DAB1: variants seen among roughly 807,000 people sequenced by gnomAD.
DAB1 encodes the protein DAB adaptor protein 1.
DAB1 carries 15 observed loss-of-function variants against 64.6 expected under a neutral mutation model. The observed-to-expected ratio is 0.23, with a 90% CI of 0.16 to 0.36. The LOEUF (loss-of-function observed/expected upper bound fraction) is 0.36. Among genes scored for constraint, DAB1 ranks in the 10% least tolerant of loss-of-function variants. The pLI is 1.00. For missense variants in DAB1, 596 were observed against 706.7 expected, an observed-to-expected ratio of 0.84 and a Z score of 1.78; for synonymous variants, 235 against 251.9, an observed-to-expected ratio of 0.93 and a Z score of 0.64.
intron 2 of DAB1, among the ~76,000 whole-genome samples, chr1:57,173,906 T>C (rs773891752): frequency 5.9e-5 from 9 of 152,192 alleles, no homozygotes; most frequent in East Asian, 1.9e-4. Context: ...TGAAATTTCA[T>C]GGGATTTCCC....
chr1:57,669,415 A>G (rs1186698844), intron 6 of DAB1, among the ~76,000 whole-genome samples: 1 of 152,158 alleles, frequency 6.6e-6, no homozygotes, highest in African/African-American at 2.4e-5. Context: ...TGCCATTTGG[A>G]AAATATTCCT....
At chr1:58,479,796 T>C (rs1276947019) in intron 3 of DAB1, among the ~76,000 whole-genome samples, 2 of 152,202 alleles carry the variant, frequency 1.3e-5, no homozygotes, top group Admixed American at 6.5e-5. Flanking sequence ...CTTTGTTCTA[T>C]CTAGGTGAGA....
chr1:58,230,736 T>A (rs977125033), intron 4 of DAB1, among the ~76,000 whole-genome samples: 1 of 152,106 alleles, frequency 6.6e-6, no homozygotes, highest in Non-Finnish European at 1.5e-5. Context: ...AGCAACAAAG[T>A]AAAAGCATTT....
intron 1 of DAB1, among the ~76,000 whole-genome samples, chr1:57,304,732 G>A (rs925802343): frequency 2.5e-4 from 38 of 152,124 alleles, no homozygotes; most frequent in African/African-American, 8.9e-4. Context: ...TCTTTGGAAT[G>A]GAAAGAAAGG....
At chr1:57,920,485 T>C (rs888358557) in intron 5 of DAB1, among the ~76,000 whole-genome samples, 1 of 152,016 alleles carries the variant, frequency 6.6e-6, no homozygotes, top group African/African-American at 2.4e-5. Context: ...GACTAATGTT[T>C]TAATTTTCTT....
intron 7 of DAB1, among the ~76,000 whole-genome samples, chr1:57,539,499 A>C (rs1468374956): frequency 6.6e-6 from 1 of 152,238 alleles, no homozygotes; most frequent in Non-Finnish European, 1.5e-5. Context: ...CTGACAAGGA[A>C]GTGAGAAAGT....
At chr1:58,154,102 A>C (rs1655090913) in intron 4 of DAB1, among the ~76,000 whole-genome samples, 3 of 151,940 alleles carry the variant, frequency 2.0e-5, no homozygotes, top group Admixed American at 2.0e-4. Flanking sequence ...CTGATCCATC[A>C]CCAAGGATGA....
At chr1:57,259,686 C>A (rs549760598) in intron 2 of DAB1, among the ~76,000 whole-genome samples, 14 of 152,232 alleles carry the variant, frequency 9.2e-5, no homozygotes, top group Non-Finnish European at 1.8e-4. Context: ...TGGGTCATAG[C>A]AAAACTAGTG....
At chr1:57,008,913 C>T (rs1488975944) in intron 14 of DAB1, among the ~76,000 whole-genome samples, 1 of 152,194 alleles carries the variant, frequency 6.6e-6, no homozygotes, top group Non-Finnish European at 1.5e-5. Flanking sequence ...TCTTCCCACA[C>T]TACTATGCTA....
intron 1 of DAB1, chr1:57,878,608 T>C (rs757868795): frequency 5.9e-5 from 9 of 152,322 alleles, no homozygotes; most frequent in Middle Eastern, 6.8e-3. Context: ...TTTTGACACA[T>C]GTATACAATG....
At chr1:57,849,101 G>A (rs1653411778) in intron 1 of DAB1, among the ~76,000 whole-genome samples, 1 of 152,180 alleles carries the variant, frequency 6.6e-6, no homozygotes, top group Non-Finnish European at 1.5e-5. Flanking sequence ...ACTTGGGACA[G>A]GATGCTTGAG....
At chr1:58,057,279 G>A (rs902715085) in intron 5 of DAB1, among the ~76,000 whole-genome samples, 2 of 151,614 alleles carry the variant, frequency 1.3e-5, no homozygotes, top group African/African-American at 4.9e-5. Context: ...ACTCCCCTTG[G>A]CCACCCCCAT....
intron 1 of DAB1, among the ~76,000 whole-genome samples, chr1:57,309,316 C>G (rs538257478): frequency 6.6e-6 from 1 of 152,154 alleles, no homozygotes; most frequent in Non-Finnish European, 1.5e-5. Flanking sequence ...CTGAGCCCAT[C>G]GTTCATAACA....
intron 5 of DAB1, among the ~76,000 whole-genome samples, chr1:58,099,598 A>G (rs1457068895): frequency 6.6e-6 from 1 of 152,200 alleles, no homozygotes; most frequent in Non-Finnish European, 1.5e-5. Context: ...CAAGAAGAAC[A>G]TATCAGAGCA....
At chr1:57,743,031 C>G (rs757801206) in intron 6 of DAB1, among the ~76,000 whole-genome samples, 7 of 152,146 alleles carry the variant, frequency 4.6e-5, no homozygotes, top group Non-Finnish European at 1.0e-4. Flanking sequence ...GTAGAAACAA[C>G]TCATGCCATG....
chr1:58,374,054 A>T, intron 3 of DAB1, among the ~76,000 whole-genome samples: 1 of 45,368 alleles, frequency 2.2e-5, no homozygotes, highest in Admixed American at 3.1e-4. Context: ...AATTTGTTTG[A>T]GTTCATTGTA....
rs1015503805 is a variant in DAB1, at chr1:57,734,418, G to T, written n.552-84753C>A. On this transcript the variant is annotated intron_variant and non_coding_transcript_variant, in intron 6 of 20. Coordinates refer to the DAB1 transcript ENST00000485760. ...AAACAAAGATAAAAGGTAATATATAGAGAAAAATGACCAGCTTGAGGATTG... is the reference window on the plus strand; with the variant it reads ...AAACAAAGATAAAAGGTAATATATATAGAAAAATGACCAGCTTGAGGATTG... Among the ~76,000 whole-genome samples the T allele has an allele frequency of 2.0e-5, 3 of 152,224 alleles. No homozygotes were observed. In the East Asian group the frequency reaches 5.8e-4, roughly 29 times the overall value.
chr1:58,331,321 G>A (rs1477778595), intron 4 of DAB1, among the ~76,000 whole-genome samples: 1 of 152,194 alleles, frequency 6.6e-6, no homozygotes, highest in Non-Finnish European at 1.5e-5. Flanking sequence ...ATTGCTTCTT[G>A]TGGTTTCTTG....
chr1:57,159,644 C>T (rs942801070), intron 2 of DAB1, among the ~76,000 whole-genome samples: 13 of 151,978 alleles, frequency 8.6e-5, no homozygotes, highest in Non-Finnish European at 1.9e-4. Context: ...GTTTCCAACG[C>T]CACCCTGCCA....
Sources: allele counts gnomAD v4.1 joint callset (sites outside exome capture counted in the v4.1 genomes callset), GRCh38; gene constraint gnomAD v4.1.1; transcripts MANE v1.5; gene names NCBI Gene and HGNC (gene_info 2026-07-23, HGNC 2026-07-21).